Variants in PPHLN1 observed in about 807,000 individuals in gnomAD.
PPHLN1 encodes periphilin-1.
A neutral mutation model predicts 51.3 loss-of-function variants in PPHLN1; 29 were observed. The ratio of observed to expected loss-of-function variants is 0.57; its 90% CI spans 0.42 to 0.77. PPHLN1 has a LOEUF of 0.77. PPHLN1 is among the 30% of genes least tolerant of loss of function. PPHLN1 has a pLI of 0.00. For synonymous variants in PPHLN1, 147 were observed against 147.8 expected, an observed-to-expected ratio of 0.99 and a Z score of 0.04; for missense variants, 436 against 438.4, an observed-to-expected ratio of 0.99 and a Z score of 0.05.
intron 9 of PPHLN1, among the ~76,000 whole-genome samples, chr12:42,432,705 G>A (rs1010376999): frequency 2.0e-5 from 3 of 152,160 alleles, no homozygotes; most frequent in Admixed American, 6.5e-5. Context: ...TTCCTAGCTT[G>A]CTGAATGTTA....
Position 42,441,424 on chromosome 12 carries a change from A to G in PPHLN1, c.1019A>G (p.Glu340Gly). 2 of 1,614,110 alleles carry G rather than the reference A, an allele frequency of 1.2e-6. No homozygotes were observed. The highest frequency in any genetic ancestry group is 8.5e-7 in the Non-Finnish European group (1 of 1,179,984). The part of the protein sequence containing the change: ...IQFALRQNLH[E>G]IGERCVEELK... ...TTTGCATTGAGGCAGAATTTACATG[A>G]AATAGGTGAGCGGTGTGTTGAAGAA... The change falls in exon 10 of 10, where the codon GAA becomes GGA. Residue 340 changes from glutamate to glycine, a missense_variant. Transcript: ENST00000358314.
intron 9 of PPHLN1, among the ~76,000 whole-genome samples, chr12:42,423,435 CCTTT>C (rs2081172427): frequency 6.6e-6 from 1 of 151,932 alleles, no homozygotes; most frequent in African/African-American, 2.4e-5. Context: ...ATGAGTAATA[CCTTT>C]CTTCTGGAAA....
chr12:42,358,701 C>T (rs1184902978), intron 4 of PPHLN1, among the ~76,000 whole-genome samples: 7 of 152,148 alleles, frequency 4.6e-5, no homozygotes, highest in African/African-American at 1.2e-4. Flanking sequence ...CCATTGTTCC[C>T]GGCCAAATTG....
chr12:42,417,931 T>G lies in PPHLN1; in HGVS notation c.909+18937T>G, dbSNP rs11181496. 4.7e-3 allele frequency among the ~76,000 whole-genome samples: 313 copies of G among 66,630 alleles called. 2 individuals are homozygous for G. The highest frequency in any genetic ancestry group is 0.012 in the Admixed American group (56 of 4,512). The allele number at this position is 66,630 out of a possible 152,430, so 43.7% of individuals were successfully genotyped here. A position where few individuals can be genotyped will look rare whatever the true frequency, so the allele number is the denominator to read the frequency against. On this transcript the variant is annotated intron_variant, in intron 9 of 9. Coordinates refer to ENST00000358314, the MANE Select transcript of PPHLN1 (RefSeq NM_201439.2). ...AAAAAAAAGCCCTAGTTTTTTTTTT[T>G]GTTTTTTTTTTGTTTTTTTTTTTTT...
chr12:42,355,133 A>G, intron 3 of PPHLN1, 28 bp from the exon 4 acceptor site: 3 of 1,609,072 alleles, frequency 1.9e-6, no homozygotes, highest in Non-Finnish European at 2.6e-6. Flanking sequence ...ATGTAAACAA[A>G]TAGCTAAGTA....
intron 2 of PPHLN1, among the ~76,000 whole-genome samples, chr12:42,338,889 A>G (rs2071081524): frequency 2.0e-5 from 3 of 152,232 alleles, no homozygotes; most frequent in African/African-American, 7.2e-5. Flanking sequence ...ATACAGATGT[A>G]TTTGAATTGA....
At chr12:42,353,632 TTTA>T in intron 3 of PPHLN1, among the ~76,000 whole-genome samples, 1 of 152,206 alleles carries the variant, frequency 6.6e-6, no homozygotes, top group East Asian at 1.9e-4. Context: ...GGTCCTCATA[TTTA>T]TTACATTTTT....
At chr12:42,359,704 C>T (rs1176121814) in intron 4 of PPHLN1, 1 of 152,164 alleles carries the variant, frequency 6.6e-6, no homozygotes, top group East Asian at 1.9e-4. Flanking sequence ...AGAATTGTTA[C>T]ATCTATTGGT....
At chr12:42,420,640 A>G (rs1053433852) in intron 9 of PPHLN1, among the ~76,000 whole-genome samples, 29 of 133,206 alleles carry the variant, frequency 2.2e-4, no homozygotes, top group African/African-American at 8.0e-4. Flanking sequence ...CCAGCTACAT[A>G]TCCTTCCTTC....
chr12:42,392,000 T>G (rs1041375794), intron 7 of PPHLN1, among the ~76,000 whole-genome samples: 3 of 152,178 alleles, frequency 2.0e-5, no homozygotes, highest in Non-Finnish European at 4.4e-5. Flanking sequence ...GCGGATAACC[T>G]GAGCTCAGGA....
intron 4 of PPHLN1, among the ~76,000 whole-genome samples, chr12:42,368,762 A>C (rs940401408): frequency 3.8e-4 from 58 of 152,366 alleles, no homozygotes; most frequent in African/African-American, 1.3e-3. Context: ...AGAGAACAAA[A>C]TATGAACCAG....
chr12:42,362,404 T>A (rs1355182291), intron 4 of PPHLN1, among the ~76,000 whole-genome samples: 1 of 152,184 alleles, frequency 6.6e-6, no homozygotes, highest in African/African-American at 2.4e-5. Flanking sequence ...TTTTTTTCTT[T>A]TGTTACTCAT....
intron 9 of PPHLN1, among the ~76,000 whole-genome samples, chr12:42,410,577 AC>A: frequency 6.6e-6 from 1 of 152,340 alleles, no homozygotes; most frequent in Non-Finnish European, 1.5e-5. Flanking sequence ...TATGAATGGT[AC>A]TGGAAAGGGT....
chr12:42,389,536 G>A (rs780075351), intron 7 of PPHLN1, among the ~76,000 whole-genome samples: 29 of 152,238 alleles, frequency 1.9e-4, no homozygotes, highest in Admixed American at 4.6e-4. Context: ...CTCCAGCCTG[G>A]GCGACAGAGC....
At chr12:42,432,096 C>G in intron 9 of PPHLN1, 33 of 1,525,524 alleles carry the variant, frequency 2.2e-5, no homozygotes, top group Non-Finnish European at 2.9e-5. Context: ...CCCTGAAACA[C>G]TTCTGCATCT....
intron 7 of PPHLN1, among the ~76,000 whole-genome samples, chr12:42,393,120 A>G (rs61067658): frequency 0.034 from 5,198 of 152,274 alleles, 308 homozygotes; most frequent in African/African-American, 0.12. Flanking sequence ...AAGGAGTAGG[A>G]TTTATGTAAC....
In PPHLN1 at chr12:42,389,139, G is replaced by A. The variant is rs138356558; in HGVS notation, c.648+1604G>A. ...CGTAATCCTAGCACTTTGGGAGGCCGAGGCAGGCGGATCATGAGGTCAAGA... is the reference window on the plus strand; with the variant it reads ...CGTAATCCTAGCACTTTGGGAGGCCAAGGCAGGCGGATCATGAGGTCAAGA... On this transcript the variant is annotated intron_variant, in intron 7 of 9. Transcript: ENST00000358314. 8.3e-3 allele frequency among the ~76,000 whole-genome samples: 1,262 copies of A among 152,056 alleles called. 7 individuals carry two copies. Among genetic ancestry groups the A allele is most frequent in the Middle Eastern group, 0.017 (5 of 294 alleles).
intron 5 of PPHLN1, among the ~76,000 whole-genome samples, chr12:42,377,228 A>G (rs1192305040): frequency 1.3e-5 from 2 of 151,936 alleles, no homozygotes; most frequent in African/African-American, 2.4e-5. Flanking sequence ...TCTAAGCACT[A>G]ATGAATGCTC....
intron 9 of PPHLN1, among the ~76,000 whole-genome samples, chr12:42,405,197 C>T (rs1288093486): frequency 6.6e-6 from 1 of 152,200 alleles, no homozygotes; most frequent in Non-Finnish European, 1.5e-5. Context: ...TCTCTACCGT[C>T]CTTTTCCTAA....
Sources: gnomAD v4.1 joint callset for allele counts (sites outside exome capture counted in the v4.1 genomes callset) on GRCh38, gnomAD v4.1.1 for gene constraint, MANE v1.5 for transcripts, NCBI Gene and HGNC (gene_info 2026-07-23, HGNC 2026-07-21) for gene names.